The following SPRR2B variants were observed in gnomAD, a reference collection of about 807,000 sequenced individuals.
SPRR2B encodes small proline rich protein 2B.
SPRR2B carries 1 observed loss-of-function variant against 1.0 expected under a neutral mutation model. The ratio of observed to expected loss-of-function variants is 1.01; its 90% CI spans 0.36 to 4.77. The LOEUF is 4.77. Among genes scored for constraint, SPRR2B ranks in the 30% most tolerant of loss-of-function variants. The pLI, the probability that SPRR2B is intolerant of heterozygous loss-of-function variation, is 0.16. For missense variants in SPRR2B, 53 were observed against 88.7 expected (o/e 0.60, Z 1.62); for synonymous variants, 27 against 33.4 (o/e 0.81, Z 0.66).
rs1041090197 is a variant in SPRR2B, at chr1:153,070,563, G to C, written c.*58C>G. 1.3e-6 allele frequency: 2 copies of C among 1,573,398 alleles called. No homozygotes were observed. Among genetic ancestry groups the C allele is most frequent in the African/African-American group, 2.7e-5 (2 of 74,246 alleles). ...GATGAGAAGATGAAGGTGGAGCTGTGGAACGAGGTGAGCCAATTATCCTTA... is the reference window on the plus strand; with the variant it reads ...GATGAGAAGATGAAGGTGGAGCTGTCGAACGAGGTGAGCCAATTATCCTTA... On this transcript the variant is annotated 3_prime_UTR_variant, in exon 2 of 2. Transcript: ENST00000368755.
the SPRR2B span, among the ~76,000 whole-genome samples, chr1:153,083,036 C>G: frequency 6.6e-6 from 1 of 152,030 alleles, no homozygotes; most frequent in Non-Finnish European, 1.5e-5. Context: ...ACTGATTTTA[C>G]AGAAATAAAA....
chr1:153,085,967 C>T, the SPRR2B span, among the ~76,000 whole-genome samples: 7 of 152,270 alleles, frequency 4.6e-5, no homozygotes, highest in South Asian at 8.3e-4. Context: ...AGATCCTTTT[C>T]GGACAAGCAA....
At chr1:153,071,305 A>G (rs921872003) in intron 1 of SPRR2B, among the ~76,000 whole-genome samples, 15 of 152,062 alleles carry the variant, frequency 9.9e-5, no homozygotes, top group African/African-American at 2.9e-4. Flanking sequence ...AGGATACCAG[A>G]AAAATATGGA....
the SPRR2B span, among the ~76,000 whole-genome samples, chr1:153,076,910 G>T: frequency 6.6e-6 from 1 of 152,188 alleles, no homozygotes; most frequent in Non-Finnish European, 1.5e-5. Flanking sequence ...AGACATGGTT[G>T]AATTTGAAAT....
the SPRR2B span, among the ~76,000 whole-genome samples, chr1:153,082,621 A>G: frequency 4.6e-5 from 7 of 152,212 alleles, no homozygotes; most frequent in Admixed American, 2.0e-4. Context: ...CAACAAGTCA[A>G]ATATGAAATC....
In SPRR2B at chr1:153,070,714, T is replaced by C; in HGVS notation, c.126A>G (p.Pro42=). 1.2e-6 allele frequency: 2 copies of C among 1,610,152 alleles called. No homozygotes were observed. The highest frequency in any genetic ancestry group is 2.2e-5 in the South Asian group (2 of 90,716). Residue 42 remains proline (P), a synonymous_variant, in exon 2 of 2, where the codon CCA becomes CCG. Transcript: ENST00000368755. ...CPEPCPPPKC[P]QPCPPQQCQQ... ...GGCACTGCTGAGGTGGGCAGGGCTG[T>C]GGACACTTTGGTGGTGGGCAGGGCT...
the SPRR2B span, among the ~76,000 whole-genome samples, chr1:153,076,926 C>T: frequency 1.3e-5 from 2 of 152,140 alleles, no homozygotes; most frequent in African/African-American, 2.4e-5. Context: ...GAAATGCAAA[C>T]TGATAAGTTA....
chr1:153,079,391 G>C, the SPRR2B span, among the ~76,000 whole-genome samples: 1 of 152,074 alleles, frequency 6.6e-6, no homozygotes, highest in East Asian at 1.9e-4. Flanking sequence ...TGTCAATTTT[G>C]GCTTTTGTTG....
chr1:153,070,254 T>A lies in SPRR2B; in HGVS notation c.*367A>T. On this transcript the variant is annotated 3_prime_UTR_variant, in exon 2 of 2. Transcript: ENST00000368755. ...ATGCATAGATACTTTATTCAGGGAG[T>A]GAAAGAAAAGTGACAATTGCACAGG... The A allele has an allele frequency of 4.6e-6, 2 of 436,422 alleles. No individual in the cohort carries two copies. The highest frequency in any genetic ancestry group is 5.8e-4 in the Middle Eastern group (1 of 1,732). The allele number at this position is 436,422 out of a possible 1,614,324, so 27.0% of individuals were successfully genotyped here.
chr1:153,070,665 G>T lies in SPRR2B; in HGVS notation c.175C>A (p.Pro59Thr). The T allele has an allele frequency of 1.7e-5, 27 of 1,612,196 alleles. No individual in the cohort carries two copies. Among genetic ancestry groups the T allele is most frequent in the Non-Finnish European group, 2.2e-5 (26 of 1,179,788 alleles). ...QCQQKYPPVT[P>T]SPPCQPKYPP... Reference sequence around the variant, plus strand: ...TACTTTGGCTGGCAGGGTGGGGAAGGTGTCACAGGAGGATATTTCTGCTGG... The same window carrying T: ...TACTTTGGCTGGCAGGGTGGGGAAGTTGTCACAGGAGGATATTTCTGCTGG... The change falls in exon 2 of 2, where the codon CCT becomes ACT. Residue 59 changes from proline to threonine, a missense_variant. Physicochemically the swap from Pro to Thr is conservative, Grantham distance 38. Transcript: ENST00000368755.
chr1:153,086,482 A>G, the SPRR2B span, among the ~76,000 whole-genome samples: 3 of 152,218 alleles, frequency 2.0e-5, no homozygotes, highest in Admixed American at 6.5e-5. Flanking sequence ...CAACCTAACT[A>G]TCTTAAATAT....
upstream of SPRR2B, among the ~76,000 whole-genome samples, chr1:153,075,964 T>C (rs1341024055): frequency 6.6e-6 from 1 of 152,090 alleles, no homozygotes; most frequent in East Asian, 1.9e-4. Flanking sequence ...TGAATTCAGA[T>C]AATAAAAAAA....
the SPRR2B span, among the ~76,000 whole-genome samples, chr1:153,081,506 G>T: frequency 1.3e-5 from 2 of 152,160 alleles, no homozygotes; most frequent in African/African-American, 2.4e-5. Context: ...AAAACTTGAG[G>T]CAGTTCACTG....
upstream of SPRR2B, among the ~76,000 whole-genome samples, chr1:153,074,625 A>T (rs1310703977): frequency 6.6e-6 from 1 of 152,236 alleles, no homozygotes; most frequent in African/African-American, 2.4e-5. Flanking sequence ...GCATGACATG[A>T]TTCTCATCAA....
At chr1:153,080,413 C>G in the SPRR2B span, among the ~76,000 whole-genome samples, 4 of 152,130 alleles carry the variant, frequency 2.6e-5, no homozygotes, top group Non-Finnish European at 4.4e-5. Context: ...CCAGGATAAA[C>G]CATATCCATT....
chr1:153,081,615 T>C, the SPRR2B span, among the ~76,000 whole-genome samples: 32 of 152,350 alleles, frequency 2.1e-4, no homozygotes, highest in African/African-American at 7.5e-4. Flanking sequence ...AAATCTCTGA[T>C]AAATGTACAC....
chr1:153,080,591 G>A, the SPRR2B span, among the ~76,000 whole-genome samples: 2 of 151,982 alleles, frequency 1.3e-5, no homozygotes, highest in Admixed American at 6.6e-5. Flanking sequence ...GGAAAACAAA[G>A]AAACACAAAA....
the SPRR2B span, among the ~76,000 whole-genome samples, chr1:153,085,515 A>G: frequency 6.6e-6 from 1 of 152,254 alleles, no homozygotes; most frequent in African/African-American, 2.4e-5. Flanking sequence ...GAAGCCTCAG[A>G]AAAATATGGT....
chr1:153,079,450 A>C, the SPRR2B span, among the ~76,000 whole-genome samples: 50 of 152,190 alleles, frequency 3.3e-4, no homozygotes, highest in East Asian at 5.4e-3. Flanking sequence ...ATGCCTATGT[A>C]CTGAATGGTA....
Sources: gnomAD v4.1 joint callset for allele counts (sites outside exome capture counted in the v4.1 genomes callset) on GRCh38, gnomAD v4.1.1 for gene constraint, MANE v1.5 for transcripts, NCBI Gene and HGNC (gene_info 2026-07-23, HGNC 2026-07-21) for gene names.